The following ABCA5 variants were observed in gnomAD, a reference collection of about 807,000 sequenced individuals.
ABCA5 encodes the protein cholesterol transporter ABCA5.
Under a neutral mutation model 206.0 loss-of-function variants are expected in ABCA5, and 163 were observed. The ratio of observed to expected loss-of-function variants is 0.79; its 90% CI spans 0.70 to 0.90. ABCA5 has a LOEUF of 0.90. Ranked by LOEUF, ABCA5 falls within the 40% of genes least tolerant of loss-of-function variation. The probability of loss-of-function intolerance (pLI) is 0.00; values close to 1 mark genes in which losing one functional copy is unlikely to be tolerated. For missense variants in ABCA5, 1,859 were observed against 1,912.9 expected (o/e 0.97, Z 0.53); for synonymous variants, 609 against 613.8 (o/e 0.99, Z 0.11).
chr17:69,307,943 A>C (rs1016337428), intron 5 of ABCA5, among the ~76,000 whole-genome samples: 1 of 152,190 alleles, frequency 6.6e-6, no homozygotes, highest in African/African-American at 2.4e-5. Flanking sequence ...ATGGAAAAAA[A>C]AGCCACAGAT....
chr17:69,267,959 T>A lies in ABCA5; in HGVS notation c.3128A>T (p.Asn1043Ile). 6.2e-7 allele frequency: 1 copy of A among 1,606,058 alleles called. No individual in the cohort carries two copies. The highest frequency in any genetic ancestry group is 8.5e-7 in the Non-Finnish European group (1 of 1,173,482). The part of the protein sequence containing the change: ...TAMPPYFAME[N>I]AENHKIKAYT... ...AGTCATTACCTTATGATTCTCTGCA[T>A]TTTCCATGGCAAAGTAAGGTGGCAT... Residue 1043 changes from asparagine to isoleucine, a missense_variant, in exon 23 of 39, where the codon AAT becomes ATT. Physicochemically the swap from Asn to Ile is moderately radical, Grantham distance 149. Coordinates refer to ENST00000392676, the MANE Select transcript of ABCA5 (RefSeq NM_172232.4).
In ABCA5 at chr17:69,246,192, CTACAT is replaced by C. The variant is rs2074948179; in HGVS notation, c.*1340_*1344del. On this transcript the variant is annotated 3_prime_UTR_variant, in exon 39 of 39. Transcript: ENST00000392676. ...AAGCTAAAAGTTCATTAAATTTTGC[CTACAT>C]TAAAGAATGAATAATGCCACTGAAA... The C allele has an allele frequency of 6.6e-6, 1 of 151,874 alleles. No homozygotes were observed. The highest frequency in any genetic ancestry group is 1.5e-5 in the Non-Finnish European group (1 of 67,814). The allele number at this position is 151,874 out of a possible 1,614,324, so 9.4% of individuals were successfully genotyped here. A position where few individuals can be genotyped will look rare whatever the true frequency, so the allele number is the denominator to read the frequency against.
At chr17:69,256,649 T>A (rs1004004716) in intron 28 of ABCA5, among the ~76,000 whole-genome samples, 6 of 151,248 alleles carry the variant, frequency 4.0e-5, no homozygotes, top group African/African-American at 1.5e-4. Context: ...AGAGACAGGG[T>A]TTCACCATGT....
At chr17:69,261,605 A>G in intron 25 of ABCA5, 30 bp downstream of exon 25, 1 of 1,003,532 alleles carries the variant, frequency 1.0e-6, no homozygotes, top group Non-Finnish European at 1.5e-6. Context: ...ACTGCTATGG[A>G]AAGTTGAAAT....
intron 18 of ABCA5, among the ~76,000 whole-genome samples, chr17:69,281,914 G>A (rs1327604390): frequency 6.6e-6 from 1 of 152,172 alleles, no homozygotes; most frequent in Non-Finnish European, 1.5e-5. Context: ...TGTATTTGCA[G>A]CATCTCAACT....
chr17:69,254,266 C>T (rs753479211), intron 32 of ABCA5, 49 bp downstream of exon 32: 3 of 1,450,012 alleles, frequency 2.1e-6, no homozygotes, highest in Non-Finnish European at 2.8e-6. Flanking sequence ...ATATGAAATG[C>T]AAACCTTTCC....
chr17:69,284,416 A>C (rs1034654046), intron 17 of ABCA5, among the ~76,000 whole-genome samples: 1 of 152,036 alleles, frequency 6.6e-6, no homozygotes, highest in Non-Finnish European at 1.5e-5. Context: ...TATCATATCT[A>C]TTACCATATT....
At chr17:69,291,137 C>T (rs2075521734) in intron 12 of ABCA5, 79 bp downstream of exon 12, 8 of 840,330 alleles carry the variant, frequency 9.5e-6, no homozygotes, top group South Asian at 2.9e-5. Flanking sequence ...GAAGTTGGTC[C>T]CATTGACAAA....
At chr17:69,322,229 G>C (rs2145056414) in intron 1 of ABCA5, among the ~76,000 whole-genome samples, 1 of 151,842 alleles carries the variant, frequency 6.6e-6, no homozygotes, top group East Asian at 1.9e-4. Flanking sequence ...AATTAGCTGG[G>C]TGTGGTGGCG....
intron 9 of ABCA5, among the ~76,000 whole-genome samples, chr17:69,298,316 GAGGAAGGAAGGA>G (rs71144670): frequency 2.4e-5 from 1 of 42,056 alleles, no homozygotes; most frequent in African/African-American, 6.3e-5. Context: ...AAGAGAGAGA[GAGGAAGGAAGGA>G]AGGAAGGAAG....
Position 69,326,134 on chromosome 17 carries a change from T to G in ABCA5, c.-16+918A>C, listed in dbSNP as rs2075895592. ...GGGTTGGAATCTCAACTCCATCCTT[T>G]TACTAGCTGAGACCTTAATAAGTTA... On this transcript the variant is annotated intron_variant, in intron 1 of 38. Transcript: ENST00000392676. This position sits in a 1 kb window ranked among gnomAD's most constrained non-coding sequence, Gnocchi z 4.8. Among the ~76,000 whole-genome samples the G allele has an allele frequency of 6.6e-6, 1 of 152,152 alleles. No individual in the cohort carries two copies. Among genetic ancestry groups the G allele is most frequent in the Non-Finnish European group, 1.5e-5 (1 of 68,030 alleles).
In ABCA5 at chr17:69,301,591, C is replaced by G. The variant is rs530060229; in HGVS notation, c.1120-305G>C. Among the ~76,000 whole-genome samples the G allele has an allele frequency of 2.0e-5, 3 of 152,008 alleles. No homozygotes were observed. In the East Asian group the frequency reaches 5.8e-4, roughly 29 times the overall value. On this transcript the variant is annotated intron_variant, in intron 8 of 38. Transcript: ENST00000392676. ...TAATTACTAACAAATGAAATAAAAA[C>G]AAACTGCAATATTAATAATAACAAA...
intron 11 of ABCA5, 66 bp from the exon 12 acceptor site, chr17:69,291,392 A>G (rs2075525009): frequency 9.9e-7 from 1 of 1,006,404 alleles, no homozygotes; most frequent in Non-Finnish European, 1.5e-6. Context: ...ATGATAATTC[A>G]TAATATTTGA....
At chr17:69,290,573 C>T (rs938137267) in intron 12 of ABCA5, among the ~76,000 whole-genome samples, 10 of 152,060 alleles carry the variant, frequency 6.6e-5, no homozygotes, top group African/African-American at 2.4e-4. Flanking sequence ...TGACTACCAT[C>T]AAAGAGTGAT....
rs2075041364 is a variant in ABCA5, at chr17:69,253,611, T to C, written c.4377A>G (p.Pro1459=). 1 of 1,613,742 alleles carries C rather than the reference T, an allele frequency of 6.2e-7. No individual in the cohort carries two copies. The highest frequency in any genetic ancestry group is 1.3e-5 in the African/African-American group (1 of 74,912). ...GNPQITLLDE[P]STGMDPKAKQ... is the part of the protein sequence containing the mutation. ...TGGCTTTGGGATCCATACCTGTAGATGGTTCATCTAGCAAAGTAATCTGAG... is the reference window on the plus strand; with the variant it reads ...TGGCTTTGGGATCCATACCTGTAGACGGTTCATCTAGCAAAGTAATCTGAG... The change falls in exon 34 of 39, where the codon CCA becomes CCG. Residue 1459 remains proline (P), a synonymous_variant. Coordinates refer to ENST00000392676, the MANE Select transcript of ABCA5 (RefSeq NM_172232.4).
chr17:69,297,532 T>C (rs1010076854), intron 9 of ABCA5, among the ~76,000 whole-genome samples, 173 bp from the exon 10 acceptor site: 16 of 152,188 alleles, frequency 1.1e-4, no homozygotes, highest in African/African-American at 3.9e-4. Flanking sequence ...TCATTTGTCA[T>C]TGAAAAGTAA....
rs535590562 is a variant in ABCA5 at position 69,315,828 on chromosome 17, G to A, written c.-15-1398C>T. Reference sequence around the variant, plus strand: ...ACTCTACTAAGAAAATAAAATCAAAGATACCAATGCTGAAATAACACAGAC... The same window carrying A: ...ACTCTACTAAGAAAATAAAATCAAAAATACCAATGCTGAAATAACACAGAC... On this transcript the variant is annotated intron_variant, in intron 1 of 38. Coordinates refer to ENST00000392676, the MANE Select transcript of ABCA5 (RefSeq NM_172232.4). Among the ~76,000 whole-genome samples, 17 of 149,636 alleles carry A rather than the reference G, an allele frequency of 1.1e-4. 1 individual carries two copies. In the South Asian group the frequency reaches 2.1e-3, roughly 19 times the overall value.
intron 9 of ABCA5, among the ~76,000 whole-genome samples, chr17:69,297,794 T>C (rs1448065236): frequency 1.3e-5 from 2 of 152,080 alleles, no homozygotes; most frequent in Non-Finnish European, 2.9e-5. Flanking sequence ...TCTTTGAAAA[T>C]AGGTAGTAAC....
At chr17:69,266,461 TTTAA>T (rs1315799851) in intron 23 of ABCA5, among the ~76,000 whole-genome samples, 1 of 151,796 alleles carries the variant, frequency 6.6e-6, no homozygotes, top group African/African-American at 2.4e-5. Context: ...AAATAGAAAC[TTTAA>T]TTAAAAATAA....
Sources: allele counts gnomAD v4.1 joint callset (sites outside exome capture counted in the v4.1 genomes callset), GRCh38; gene constraint gnomAD v4.1.1; non-coding constraint Gnocchi (gnomAD v3.1); transcripts MANE v1.5; gene names NCBI Gene and HGNC (gene_info 2026-07-23, HGNC 2026-07-21).